Variants in DNAH5 observed in about 807,000 individuals in gnomAD.
DNAH5 encodes axonemal beta dynein heavy chain 5.
DNAH5 carries 372 observed loss-of-function variants against 518.2 expected under a neutral mutation model. The observed-to-expected ratio is 0.72, with a 90% CI of 0.66 to 0.78. The LOEUF is 0.78. DNAH5 is among the 30% of genes least tolerant of loss of function. The pLI is 0.00. For missense variants in DNAH5, 5,523 were observed against 5,687.0 expected (o/e 0.97, Z 0.93); for synonymous variants, 2,039 against 2,025.9 (o/e 1.01, Z -0.17).
chr5:13,717,209 A>G (rs1744414794), intron 73 of DNAH5, 106 bp downstream of exon 73: 1 of 1,061,920 alleles, frequency 9.4e-7, no homozygotes, highest in Admixed American at 2.0e-5. Flanking sequence ...CTTTGCAAGC[A>G]CAGCAAATTC....
intron 76 of DNAH5, among the ~76,000 whole-genome samples, chr5:13,702,796 T>C (rs1185535787): frequency 1.3e-5 from 2 of 152,166 alleles, no homozygotes; most frequent in African/African-American, 2.4e-5. Flanking sequence ...ACTCACTATA[T>C]GCTGCCTGCA....
intron 52 of DNAH5, among the ~76,000 whole-genome samples, chr5:13,783,338 T>A (rs1755480065): frequency 6.6e-6 from 1 of 152,138 alleles, no homozygotes; most frequent in South Asian, 2.1e-4. Context: ...AGACAATGTA[T>A]CCAGATTCTC....
chr5:13,931,987 T>C (rs1778474370), intron 1 of DNAH5: 1 of 152,308 alleles, frequency 6.6e-6, no homozygotes, highest in Admixed American at 6.5e-5. Context: ...TATTCAACTA[T>C]TTTGACACTG....
chr5:13,907,808 T>G (rs528694392), intron 12 of DNAH5, among the ~76,000 whole-genome samples: 69 of 152,242 alleles, frequency 4.5e-4, no homozygotes, highest in Non-Finnish European at 9.3e-4. Context: ...TTATATTTCA[T>G]GCTTCAAGAC....
chr5:13,979,015 C>T (rs1380245092), intron 1 of DNAH5, among the ~76,000 whole-genome samples: 3 of 152,098 alleles, frequency 2.0e-5, no homozygotes, highest in African/African-American at 7.2e-5. Context: ...TAAAAGCCAA[C>T]ATCTCCACGA....
intron 29 of DNAH5, 133 bp downstream of exon 29, chr5:13,862,415 T>A: frequency 1.2e-6 from 1 of 843,324 alleles, no homozygotes; most frequent in Non-Finnish European, 1.9e-6. Context: ...AATTAATCAA[T>A]GTAATTAAAA....
chr5:13,700,407 T>C (rs538989758), intron 78 of DNAH5, among the ~76,000 whole-genome samples: 1 of 152,316 alleles, frequency 6.6e-6, no homozygotes, highest in Non-Finnish European at 1.5e-5. Flanking sequence ...TCCACACATG[T>C]TAATCTGCTT....
chr5:13,778,251 A>T (rs1442475662), intron 53 of DNAH5, among the ~76,000 whole-genome samples: 1 of 152,020 alleles, frequency 6.6e-6, no homozygotes, highest in Admixed American at 6.6e-5. Flanking sequence ...ACACCTAAAG[A>T]AGTGAGATCC....
At chr5:13,881,749 A>G (rs1352965240) in intron 21 of DNAH5, among the ~76,000 whole-genome samples, 4 of 152,110 alleles carry the variant, frequency 2.6e-5, no homozygotes, top group Non-Finnish European at 5.9e-5. Flanking sequence ...TCTCAAATAC[A>G]TAACCTAAAA....
intron 1 of DNAH5, among the ~76,000 whole-genome samples, chr5:13,938,548 A>AT (rs5866077): frequency 0.045 from 6,797 of 151,042 alleles, 207 homozygotes; most frequent in African/African-American, 0.076. Context: ...ATGTATATAT[A>AT]AAAAATGTAA....
intron 78 of DNAH5, among the ~76,000 whole-genome samples, chr5:13,693,673 G>A (rs1007218247): frequency 2.0e-5 from 3 of 152,176 alleles, no homozygotes; most frequent in Non-Finnish European, 4.4e-5. Context: ...AACATCCTAT[G>A]ATGCACAGGA....
At chr5:13,801,330 C>T (rs1758720096) in intron 47 of DNAH5, among the ~76,000 whole-genome samples, 2 of 152,208 alleles carry the variant, frequency 1.3e-5, no homozygotes, top group South Asian at 4.1e-4. Flanking sequence ...CTTCCCCTTC[C>T]AACATAACTG....
At chr5:13,894,065 TG>T (rs35764736) in intron 16 of DNAH5, among the ~76,000 whole-genome samples, 76,029 of 151,488 alleles carry the variant, frequency 0.5, 19,172 homozygotes, top group South Asian at 0.61. Context: ...GGAGACCTAC[TG>T]GGACACTGGC....
chr5:13,975,155 G>A (rs1239844746), intron 1 of DNAH5, among the ~76,000 whole-genome samples: 1 of 152,240 alleles, frequency 6.6e-6, no homozygotes, highest in Non-Finnish European at 1.5e-5. Context: ...TGGACTTACA[G>A]TTCCAGTGGC....
chr5:13,819,764 G>A (rs1043040205), intron 41 of DNAH5, among the ~76,000 whole-genome samples: 1 of 152,084 alleles, frequency 6.6e-6, no homozygotes, highest in Admixed American at 6.5e-5. Context: ...AGGGACATCT[G>A]GAAATGAAAT....
At chr5:14,008,288 A>C (rs967387233) in intron 1 of DNAH5, among the ~76,000 whole-genome samples, 1 of 62,036 alleles carries the variant, frequency 1.6e-5, no homozygotes, top group Non-Finnish European at 3.0e-5. Context: ...AAAGAGGAAG[A>C]AATGAGGGAG....
rs369334291 is a variant in DNAH5, at chr5:13,920,411, T to C, written c.798+69A>G. ...TAACAAATGGAATGTCGTATGTCAATACACCTTCTTCCATTGTCTAGCGCA... is the reference window on the plus strand; with the variant it reads ...TAACAAATGGAATGTCGTATGTCAACACACCTTCTTCCATTGTCTAGCGCA... On this transcript the variant is annotated intron_variant, in intron 6 of 78. Coordinates refer to ENST00000265104, the MANE Select transcript of DNAH5 (RefSeq NM_001369.3). 1.4e-5 allele frequency: 22 copies of C among 1,590,818 alleles called. No individual in the cohort carries two copies. The East Asian group carries it at 1.6e-4, about 11-fold the overall frequency.
In DNAH5 at chr5:13,792,872, A is replaced by G. The variant is rs140092007; in HGVS notation, c.8224+643T>C. On this transcript the variant is annotated intron_variant, in intron 49 of 78. Transcript: ENST00000265104. Reference sequence around the variant, plus strand: ...TCTCAATAGCAGCGTCAGAAATTGTAAACTAAATACTTAACATAAATGTGT... The same window carrying G: ...TCTCAATAGCAGCGTCAGAAATTGTGAACTAAATACTTAACATAAATGTGT... Among the ~76,000 whole-genome samples, 1,142 of 152,356 alleles carry G rather than the reference A, an allele frequency of 7.5e-3. 8 individuals are homozygous for G. The highest frequency in any genetic ancestry group is 0.012 in the Non-Finnish European group (799 of 68,026).
chr5:13,874,501 T>A (rs1770584933), intron 22 of DNAH5, among the ~76,000 whole-genome samples: 1 of 152,188 alleles, frequency 6.6e-6, no homozygotes, highest in South Asian at 2.1e-4. Flanking sequence ...TTTTGATTGT[T>A]TGGTCCAGCT....
Sources: allele counts gnomAD v4.1 joint callset (sites outside exome capture counted in the v4.1 genomes callset), GRCh38; gene constraint gnomAD v4.1.1; transcripts MANE v1.5; gene names NCBI Gene and HGNC (gene_info 2026-07-23, HGNC 2026-07-21).